The following KCNMB3 variants were observed in gnomAD, a reference collection of about 807,000 sequenced individuals.
KCNMB3 encodes the protein calcium-activated potassium channel subunit beta-3.
Under a neutral mutation model 11.9 loss-of-function variants are expected in KCNMB3, and 18 were observed. That is an observed-to-expected ratio of 1.51 (90% CI 1.04 to 2.23). The LOEUF is 2.23. Among genes scored for constraint, KCNMB3 ranks in the 30% most tolerant of loss-of-function variants. KCNMB3 has a pLI of 0.00. For synonymous variants in KCNMB3, 78 were observed against 119.2 expected, an observed-to-expected ratio of 0.65 and a Z score of 2.25; for missense variants, 247 against 329.4, an observed-to-expected ratio of 0.75 and a Z score of 1.94.
At chr3:179,242,098 T>G (rs2108436488), downstream of KCNMB3, 1 of 152,886 alleles carries the variant, frequency 6.5e-6, no homozygotes, top group South Asian at 2.1e-4. Flanking sequence ...TCTAGACTGG[T>G]AAAGAACAAA....
chr3:179,260,807 TGCC>T (rs1366566382), intron 1 of KCNMB3: 2 of 1,350,758 alleles, frequency 1.5e-6, no homozygotes, highest in African/African-American at 2.9e-5. Flanking sequence ...CTCTTCGTAC[TGCC>T]GCCTATATTC....
intron 1 of KCNMB3, among the ~76,000 whole-genome samples, chr3:179,263,835 T>C (rs1298599241): frequency 7.8e-6 from 1 of 127,596 alleles, no homozygotes; most frequent in Non-Finnish European, 1.6e-5. Flanking sequence ...AGATGGAGTC[T>C]CACTCTGTCA....
At chr3:179,259,016 A>G (rs1726113753) in intron 1 of KCNMB3, 2 of 1,614,152 alleles carry the variant, frequency 1.2e-6, no homozygotes, top group African/African-American at 1.3e-5. Flanking sequence ...CGCCTGCCTC[A>G]GCTTAGGACA....
At chr3:179,267,044 C>A, upstream of KCNMB3, 1 of 555,666 alleles carries the variant, frequency 1.8e-6, no homozygotes, top group East Asian at 7.0e-5. Flanking sequence ...CCTCGGCAGC[C>A]GGGAGCATCG....
At chr3:179,244,063 G>T (rs1034020773) in intron 2 of KCNMB3, among the ~76,000 whole-genome samples, 2 of 152,018 alleles carry the variant, frequency 1.3e-5, no homozygotes, top group Non-Finnish European at 2.9e-5. Context: ...CTATTTCAGG[G>T]ATCATTTCTA....
At chr3:179,263,048 G>A (rs1446560150) in intron 1 of KCNMB3, among the ~76,000 whole-genome samples, 1 of 152,234 alleles carries the variant, frequency 6.6e-6, no homozygotes, top group Non-Finnish European at 1.5e-5. Context: ...CTGTGCGTGT[G>A]CCCGCACTCC....
At chr3:179,266,636 G>A (rs1247410291) in intron 1 of KCNMB3, 3 of 1,613,946 alleles carry the variant, frequency 1.9e-6, no homozygotes, top group South Asian at 1.1e-5. Context: ...CAGAGCTTCC[G>A]GAAGTGACTT....
At chr3:179,261,408 C>A in intron 1 of KCNMB3, 1 of 1,061,964 alleles carries the variant, frequency 9.4e-7, no homozygotes, top group Non-Finnish European at 1.1e-6. Context: ...TGAACGCTCG[C>A]GCTTCCGGGG....
upstream of KCNMB3, chr3:179,251,747 A>G (rs1225248351): frequency 1.3e-6 from 1 of 784,368 alleles, no homozygotes. Flanking sequence ...GTTTTTTTTG[A>G]GACGGAACCT....
rs568910383 is a variant in KCNMB3, at chr3:179,261,035, C to T, written c.62+5614G>A. On this transcript the variant is annotated intron_variant, in intron 1 of 3. Transcript: ENST00000349697. ...GCTGCCTCTCTGAGAGGAAGTCCCA[C>T]CCAGAAAGGCCAGCGTGGCTGCAGA... The T allele has an allele frequency of 6.5e-5, 65 of 1,000,888 alleles. 3 individuals carry two copies. In the South Asian group the frequency reaches 7.9e-4, roughly 12 times the overall value. The allele number at this position is 1,000,888 out of a possible 1,614,324, so 62.0% of individuals were successfully genotyped here. A position where few individuals can be genotyped will look rare whatever the true frequency, so the allele number is the denominator to read the frequency against.
chr3:179,266,851 G>A (rs78637016), exon 1 of KCNMB3: 27,486 of 1,439,282 alleles, frequency 0.019, 1,352 homozygotes, highest in South Asian at 0.13. Context: ...GCCATTAGAA[G>A]CCCCCCGCCT....
At chr3:179,266,821 C>A (rs996713317) in exon 1 of KCNMB3, 102 of 1,479,388 alleles carry the variant, frequency 6.9e-5, no homozygotes, top group Admixed American at 4.4e-4. Flanking sequence ...CGGGAGCCCC[C>A]AGCCCCCAGC....
upstream of KCNMB3, chr3:179,251,542 C>G: frequency 1.5e-6 from 2 of 1,339,420 alleles, no homozygotes; most frequent in Non-Finnish European, 1.9e-6. Flanking sequence ...AGTGTCCCTT[C>G]ATTTCTTCTC....
At chr3:179,254,406 T>G (rs772160940), upstream of KCNMB3, among the ~76,000 whole-genome samples, 1 of 152,204 alleles carries the variant, frequency 6.6e-6, no homozygotes, top group East Asian at 1.9e-4. Context: ...TACAAAAATC[T>G]CAAGCTAAGA....
At chr3:179,249,005 CTCT>C (rs1725740511) in intron 1 of KCNMB3, among the ~76,000 whole-genome samples, 1 of 124,772 alleles carries the variant, frequency 8.0e-6, no homozygotes, top group South Asian at 2.8e-4. Context: ...AAGACCCCGT[CTCT>C]TTTTTTTTTT....
chr3:179,249,941 C>T (rs1725777757), intron 1 of KCNMB3, among the ~76,000 whole-genome samples: 3 of 152,050 alleles, frequency 2.0e-5, no homozygotes, highest in Admixed American at 2.0e-4. Flanking sequence ...GGCTTAATAC[C>T]CAGGTGATGG....
At chr3:179,251,672 G>A (rs756918936), upstream of KCNMB3, 22 of 1,235,292 alleles carry the variant, frequency 1.8e-5, no homozygotes, top group Middle Eastern at 3.1e-4. Context: ...TGGGCATGGC[G>A]GCATCCAGCC....
intron 1 of KCNMB3, among the ~76,000 whole-genome samples, chr3:179,265,187 C>G (rs565586249): frequency 6.6e-6 from 1 of 152,174 alleles, no homozygotes; most frequent in Non-Finnish European, 1.5e-5. Context: ...TCATGTCTAG[C>G]GAGAAGAACA....
At position 179,258,919 on chromosome 3, in the gene KCNMB3, T is replaced by C. The variant is rs761063281; in HGVS notation, c.62+7730A>G. The C allele has an allele frequency of 1.9e-6, 3 of 1,610,546 alleles. No homozygotes were observed. In the African/African-American group the frequency reaches 4.0e-5, roughly 22 times the overall value. Reference sequence around the variant, plus strand: ...CACCTGGTGATTGGCATACAGTGCATCTCTATGAATTTAGAACATTCTACT... The same window carrying C: ...CACCTGGTGATTGGCATACAGTGCACCTCTATGAATTTAGAACATTCTACT... On this transcript the variant is annotated intron_variant, in intron 1 of 3. Transcript: ENST00000349697.
Sources: gnomAD v4.1 joint callset for allele counts (sites outside exome capture counted in the v4.1 genomes callset) on GRCh38, gnomAD v4.1.1 for gene constraint, MANE v1.5 for transcripts, NCBI Gene and HGNC (gene_info 2026-07-23, HGNC 2026-07-21) for gene names.